The following NSD1 variants were observed in gnomAD, a reference collection of about 807,000 sequenced individuals.
NSD1 encodes nuclear receptor binding SET domain protein 1.
NSD1 carries 26 observed loss-of-function variants against 242.7 expected under a neutral mutation model. The observed-to-expected ratio is 0.11, with a 90% CI of 0.08 to 0.15. The LOEUF (loss-of-function observed/expected upper bound fraction) is 0.15. Among genes scored for constraint, NSD1 ranks in the 10% least tolerant of loss-of-function variants. The pLI, the probability that NSD1 is intolerant of heterozygous loss-of-function variation, is 1.00. For missense variants in NSD1, 2,495 were observed against 3,272.8 expected (o/e 0.76, Z 5.80); for synonymous variants, 1,106 against 1,178.1 (o/e 0.94, Z 1.25).
rs149458376 is a variant in NSD1, at chr5:177,194,141, T to A, written c.1063+2122T>A. ...TAAATTATATTTTTATTTACATGAGTAAATACATACTTCTTAGTCATCTTC... is the reference window on the plus strand; with the variant it reads ...TAAATTATATTTTTATTTACATGAGAAAATACATACTTCTTAGTCATCTTC... On this transcript the variant is annotated intron_variant, in intron 3 of 22. Transcript: ENST00000439151. Among the ~76,000 whole-genome samples, 639 of 152,288 alleles carry A rather than the reference T, an allele frequency of 4.2e-3. 3 individuals carry two copies. The highest frequency in any genetic ancestry group is 0.014 in the African/African-American group (583 of 41,564).
intron 3 of NSD1, among the ~76,000 whole-genome samples, chr5:177,198,616 T>C (rs1454113656): frequency 6.6e-6 from 1 of 152,114 alleles, no homozygotes; most frequent in Non-Finnish European, 1.5e-5. Flanking sequence ...AGGCCTCACC[T>C]GTAAACACCA....
intron 2 of NSD1, among the ~76,000 whole-genome samples, chr5:177,171,088 C>A (rs779297030): frequency 6.6e-6 from 1 of 151,222 alleles, no homozygotes; most frequent in Non-Finnish European, 1.5e-5. Context: ...TTTGGGAGGC[C>A]GAGGTGGACA....
At chr5:177,181,627 A>T (rs1369143532) in intron 2 of NSD1, among the ~76,000 whole-genome samples, 5 of 151,162 alleles carry the variant, frequency 3.3e-5, no homozygotes, top group Non-Finnish European at 5.9e-5. Context: ...AGGTTTTGCC[A>T]TGTTGTCTAA....
intron 2 of NSD1, among the ~76,000 whole-genome samples, chr5:177,179,636 C>A (rs2149806856): frequency 6.6e-6 from 1 of 152,316 alleles, no homozygotes; most frequent in African/African-American, 2.4e-5. Flanking sequence ...TTTCTTATCA[C>A]CCTCTTGGGT....
chr5:177,152,351 ATGTATGTATGTT>A (rs985793399), intron 2 of NSD1, among the ~76,000 whole-genome samples: 3 of 147,342 alleles, frequency 2.0e-5, no homozygotes, highest in African/African-American at 7.5e-5. Context: ...GTATGTATGT[ATGTATGTATGTT>A]TGTATATATT....
intron 2 of NSD1, among the ~76,000 whole-genome samples, chr5:177,143,356 C>G (rs564961389): frequency 5.9e-5 from 9 of 151,658 alleles, no homozygotes; most frequent in Admixed American, 5.9e-4. Context: ...GAGTCTTGCT[C>G]TGTTGCACAG....
rs564931292 is a variant in NSD1 at position 177,292,800 on chromosome 5, T to C, written c.6463+642T>C. On this transcript the variant is annotated intron_variant, in intron 22 of 22. Coordinates refer to ENST00000439151, the MANE Select transcript of NSD1 (RefSeq NM_022455.5). ...GAAGAAATTGAGAACCTTTGAGTAG[T>C]GATTTGGGGTTAGAGAATTTTAGGG... is the stretch of plus-strand genomic sequence containing the variant. Among the ~76,000 whole-genome samples, 14 of 152,238 alleles carry C rather than the reference T, an allele frequency of 9.2e-5. No homozygotes were observed. In the South Asian group the frequency reaches 2.9e-3, roughly 32 times the overall value.
At chr5:177,220,286 A>C in intron 5 of NSD1, among the ~76,000 whole-genome samples, 1 of 152,106 alleles carries the variant, frequency 6.6e-6, no homozygotes. Context: ...TTATCATATC[A>C]TGTGTTCCTT....
rs117489735 is a variant in NSD1, at chr5:177,143,040, T to C, written c.927+7010T>C. 7.7e-4 allele frequency among the ~76,000 whole-genome samples: 117 copies of C among 152,302 alleles called. 1 individual carries two copies. In the East Asian group the frequency reaches 0.02, roughly 26 times the overall value. On this transcript the variant is annotated intron_variant, in intron 2 of 22. Coordinates refer to ENST00000439151, the MANE Select transcript of NSD1 (RefSeq NM_022455.5). ...TCTTAACAGTGTATAGCATGGTGCC[T>C]TCTTTTTACTGGGGACATATCGAGT...
At chr5:177,265,556 G>C (rs1342336381) in intron 14 of NSD1, 8 of 988,554 alleles carry the variant, frequency 8.1e-6, no homozygotes, top group Non-Finnish European at 1.3e-5. Flanking sequence ...CGTGCAGGGC[G>C]GGAGAGCCGG....
At chr5:177,182,723 CAT>C (rs1419214565) in intron 2 of NSD1, among the ~76,000 whole-genome samples, 4 of 152,136 alleles carry the variant, frequency 2.6e-5, no homozygotes, top group Admixed American at 6.6e-5. Flanking sequence ...TGTAACCTTC[CAT>C]CTCCCGGGTT....
At chr5:177,155,844 T>C (rs886274868) in intron 2 of NSD1, among the ~76,000 whole-genome samples, 1 of 151,462 alleles carries the variant, frequency 6.6e-6, no homozygotes, top group Non-Finnish European at 1.5e-5. Flanking sequence ...CGCTAATTTT[T>C]GTATTTTTAC....
chr5:177,180,467 G>A (rs1760567581), intron 2 of NSD1, among the ~76,000 whole-genome samples: 1 of 151,902 alleles, frequency 6.6e-6, no homozygotes, highest in African/African-American at 2.4e-5. Flanking sequence ...TGTTAGTCAG[G>A]CTGGTCTTGA....
At chr5:177,277,212 G>A (rs957283170) in intron 17 of NSD1, among the ~76,000 whole-genome samples, 7 of 151,648 alleles carry the variant, frequency 4.6e-5, no homozygotes, top group Non-Finnish European at 1.0e-4. Context: ...GGCAAATGTG[G>A]TCTACTGCCT....
intron 17 of NSD1, among the ~76,000 whole-genome samples, chr5:177,278,267 C>T (rs1026432548): frequency 6.6e-6 from 1 of 152,112 alleles, no homozygotes; most frequent in African/African-American, 2.4e-5. Flanking sequence ...GCCACCATGC[C>T]CGGCTAAGCT....
intron 2 of NSD1, among the ~76,000 whole-genome samples, chr5:177,140,197 T>G (rs1756697097): frequency 6.6e-6 from 1 of 152,216 alleles, no homozygotes; most frequent in African/African-American, 2.4e-5. Context: ...ACTTTTATAT[T>G]TAATTGGGCT....
rs78991579 is a variant in NSD1 at position 177,299,658 on chromosome 5, T to G, written c.*4199T>G. 0.031 allele frequency: 7,126 copies of G among 233,284 alleles called. 155 individuals are homozygous for G. Among genetic ancestry groups the G allele is most frequent in the Non-Finnish European group, 0.04 (4,761 of 118,052 alleles). The allele number at this position is 233,284 out of a possible 1,614,324, so 14.5% of individuals were successfully genotyped here. A position where few individuals can be genotyped will look rare whatever the true frequency, so the allele number is the denominator to read the frequency against. The stretch of plus-strand genomic sequence containing the variant: ...CGGAAGAAGTGTTTCGAGTTTAACA[T>G]GCGCTGTTTCTGCTTATGTGGTTCC... On this transcript the variant is annotated 3_prime_UTR_variant, in exon 23 of 23. Coordinates refer to ENST00000439151, the MANE Select transcript of NSD1 (RefSeq NM_022455.5).
At chr5:177,159,626 G>C (rs1317008859) in intron 2 of NSD1, among the ~76,000 whole-genome samples, 12 of 133,140 alleles carry the variant, frequency 9.0e-5, no homozygotes, top group Admixed American at 8.0e-4. Flanking sequence ...ACGGAGTTTC[G>C]CTCTTGTTGC....
intron 18 of NSD1, among the ~76,000 whole-genome samples, chr5:177,281,514 T>C (rs369510862): frequency 1.2e-3 from 190 of 152,232 alleles, no homozygotes; most frequent in Non-Finnish European, 2.1e-3. Flanking sequence ...ACGAGAGATA[T>C]GGCCTATACT....
Sources: gnomAD v4.1 joint callset for allele counts (sites outside exome capture counted in the v4.1 genomes callset) on GRCh38, gnomAD v4.1.1 for gene constraint, MANE v1.5 for transcripts, NCBI Gene and HGNC (gene_info 2026-07-23, HGNC 2026-07-21) for gene names.